PDS5A: variants seen among roughly 807,000 people sequenced by gnomAD.
PDS5A encodes sister chromatid cohesion protein PDS5 homolog A.
PDS5A carries 42 observed loss-of-function variants against 167.1 expected under a neutral mutation model. That is an observed-to-expected ratio of 0.25 (90% confidence interval 0.20 to 0.33). PDS5A has a LOEUF of 0.33. PDS5A is among the 10% of genes least tolerant of loss of function. The pLI is 1.00. For missense variants in PDS5A, 1,033 were observed against 1,605.9 expected, an observed-to-expected ratio of 0.64 and a Z score of 6.10; for synonymous variants, 553 against 554.6, an observed-to-expected ratio of 1.00 and a Z score of 0.04.
chr4:39,921,660 G>A (rs1724987146), intron 6 of PDS5A, among the ~76,000 whole-genome samples: 1 of 151,484 alleles, frequency 6.6e-6, no homozygotes, highest in Non-Finnish European at 1.5e-5. Context: ...GCTGAGGTAG[G>A]AGGATCACTT....
At chr4:39,873,418 A>G (rs1720210449) in intron 20 of PDS5A, among the ~76,000 whole-genome samples, 1 of 152,240 alleles carries the variant, frequency 6.6e-6, no homozygotes, top group South Asian at 2.1e-4. Context: ...GCTTCATCAA[A>G]TCAGCATTAT....
intron 18 of PDS5A, among the ~76,000 whole-genome samples, chr4:39,878,954 G>T (rs1720710404): frequency 6.6e-6 from 1 of 152,108 alleles, no homozygotes; most frequent in African/African-American, 2.4e-5. Context: ...ATGTTGGCCA[G>T]GATGGTCTCG....
chr4:39,831,216 A>G (rs1407362379), intron 32 of PDS5A, among the ~76,000 whole-genome samples: 1 of 152,120 alleles, frequency 6.6e-6, no homozygotes, highest in African/African-American at 2.4e-5. Context: ...CTTCTGCCTC[A>G]GCCTACTGAG....
intron 3 of PDS5A, 114 bp downstream of exon 3, chr4:39,927,847 A>G: frequency 2.8e-6 from 2 of 706,056 alleles, no homozygotes; most frequent in Non-Finnish European, 4.7e-6. Flanking sequence ...TATTCTTAAG[A>G]TGAAGAGACT....
At chr4:39,840,121 C>CA (rs113707409) in intron 31 of PDS5A, among the ~76,000 whole-genome samples, 81 of 145,776 alleles carry the variant, frequency 5.6e-4, no homozygotes, top group African/African-American at 1.1e-3. Context: ...CAAAACAGAA[C>CA]AAAAAAAAAA....
intron 7 of PDS5A, among the ~76,000 whole-genome samples, chr4:39,918,432 A>G (rs914976558): frequency 6.6e-6 from 1 of 152,174 alleles, no homozygotes; most frequent in Non-Finnish European, 1.5e-5. Flanking sequence ...CCAGCACTGC[A>G]CACCACCGTC....
rs866503744 is a variant in PDS5A, at chr4:39,840,457, G to A, written c.3657+1491C>T. Among the ~76,000 whole-genome samples the A allele has an allele frequency of 9.8e-5, 15 of 152,292 alleles. No individual in the cohort carries two copies. The Middle Eastern group carries it at 0.024, about 242-fold the overall frequency. The stretch of plus-strand genomic sequence containing the variant: ...CAAGACCAGCCTGTAGCACAGTGGC[G>A]TGATCTTGGCTCACTGCAACCTCCA... On this transcript the variant is annotated intron_variant, in intron 31 of 32. Transcript: ENST00000303538.
At chr4:39,944,997 T>C (rs186202843) in intron 2 of PDS5A, among the ~76,000 whole-genome samples, 1 of 152,294 alleles carries the variant, frequency 6.6e-6, no homozygotes, top group Non-Finnish European at 1.5e-5. Flanking sequence ...ATAGTACTAA[T>C]AGCTGCTAAC....
intron 31 of PDS5A, among the ~76,000 whole-genome samples, chr4:39,839,796 TCTTA>T (rs923131865): frequency 5.3e-5 from 8 of 151,342 alleles, no homozygotes; most frequent in African/African-American, 2.0e-4. Flanking sequence ...TTCAAGCCAT[TCTTA>T]CTGAGATAAA....
At chr4:39,968,350 T>A (rs1158893013) in intron 2 of PDS5A, among the ~76,000 whole-genome samples, 1 of 147,576 alleles carries the variant, frequency 6.8e-6, no homozygotes, top group Non-Finnish European at 1.5e-5. Flanking sequence ...TGTGATTCTT[T>A]TTTTTTTTTT....
chr4:39,956,249 T>C (rs1297632462), intron 2 of PDS5A, among the ~76,000 whole-genome samples: 1 of 152,110 alleles, frequency 6.6e-6, no homozygotes, highest in African/African-American at 2.4e-5. Flanking sequence ...CCAGCACTTT[T>C]GGGAGGCTAT....
intron 2 of PDS5A, among the ~76,000 whole-genome samples, chr4:39,967,938 C>A (rs549026764): frequency 8.4e-4 from 127 of 151,400 alleles, no homozygotes; most frequent in Middle Eastern, 3.4e-3. Context: ...AACAAACAAA[C>A]AAAAAAAACA....
chr4:39,974,311 G>C (rs768596372), intron 2 of PDS5A: 7 of 531,142 alleles, frequency 1.3e-5, no homozygotes, highest in Non-Finnish European at 2.7e-5. Context: ...CATGAGTCAT[G>C]TCAACAGAGC....
chr4:39,872,865 G>A, intron 21 of PDS5A, 121 bp downstream of exon 21: 4 of 491,884 alleles, frequency 8.1e-6, no homozygotes, highest in Non-Finnish European at 1.4e-5. Context: ...AAAATAAGTA[G>A]AACCAATATA....
chr4:39,842,080 A>G (rs760546437), intron 30 of PDS5A, 24 bp from the exon 31 acceptor site: 8 of 1,392,578 alleles, frequency 5.7e-6, no homozygotes, highest in Non-Finnish European at 8.2e-6. Flanking sequence ...ATAAACCAAG[A>G]CTTCATATTT....
At chr4:39,960,237 C>G (rs186517124) in intron 2 of PDS5A, among the ~76,000 whole-genome samples, 1 of 152,240 alleles carries the variant, frequency 6.6e-6, no homozygotes, top group African/African-American at 2.4e-5. Flanking sequence ...CCACTGCACT[C>G]CAGCCTGGGT....
chr4:39,918,556 G>GA (rs1724623871), intron 7 of PDS5A, among the ~76,000 whole-genome samples: 1 of 152,104 alleles, frequency 6.6e-6, no homozygotes, highest in African/African-American at 2.4e-5. Flanking sequence ...AATTAAGTTA[G>GA]AAAATATTCA....
intron 11 of PDS5A, among the ~76,000 whole-genome samples, chr4:39,906,837 T>A (rs897310507): frequency 6.6e-6 from 1 of 151,368 alleles, no homozygotes; most frequent in Non-Finnish European, 1.5e-5. Flanking sequence ...CATTTTCTCA[T>A]TTTTTAGGCC....
At chr4:39,929,549 A>ATATATC (rs1725800009) in intron 2 of PDS5A, among the ~76,000 whole-genome samples, 1 of 117,104 alleles carries the variant, frequency 8.5e-6, no homozygotes, top group Non-Finnish European at 1.8e-5. Flanking sequence ...ATATATATAT[A>ATATATC]TATATATCCC....
Sources: allele counts gnomAD v4.1 joint callset (sites outside exome capture counted in the v4.1 genomes callset), GRCh38; gene constraint gnomAD v4.1.1; transcripts MANE v1.5; gene names NCBI Gene and HGNC (gene_info 2026-07-23, HGNC 2026-07-21).